PTGER4: variants seen among roughly 807,000 people sequenced by gnomAD.
PTGER4 encodes prostaglandin E2 receptor EP4 subtype.
A neutral mutation model predicts 33.2 loss-of-function variants in PTGER4; 11 were observed. That is an observed-to-expected ratio of 0.33 (90% CI 0.21 to 0.55). The LOEUF is 0.55. Ranked by LOEUF, PTGER4 falls within the 20% of genes least tolerant of loss-of-function variation. PTGER4 has a pLI of 0.92. For missense variants in PTGER4, 481 were observed against 650.2 expected, an observed-to-expected ratio of 0.74 and a Z score of 2.83; for synonymous variants, 275 against 281.5, an observed-to-expected ratio of 0.98 and a Z score of 0.23.
At chr5:40,697,863 C>T (rs1370084840), downstream of PTGER4, among the ~76,000 whole-genome samples, 1 of 151,578 alleles carries the variant, frequency 6.6e-6, no homozygotes, top group Non-Finnish European at 1.5e-5. Flanking sequence ...TACAGCGGCT[C>T]ACACCTGTAA....
the PTGER4 span, chr5:40,746,691 G>C: frequency 2.3e-6 from 2 of 873,812 alleles, no homozygotes. Context: ...ACCTAGAATA[G>C]ATTTTTAAAC....
the PTGER4 span, among the ~76,000 whole-genome samples, chr5:40,719,404 T>C: frequency 4.6e-5 from 7 of 152,360 alleles, no homozygotes; most frequent in East Asian, 1.3e-3. Context: ...TAATGCTGAA[T>C]AATATTTCAT....
At chr5:40,741,657 T>C in the PTGER4 span, among the ~76,000 whole-genome samples, 2 of 152,182 alleles carry the variant, frequency 1.3e-5, no homozygotes, top group Non-Finnish European at 2.9e-5. Context: ...TTTCCTCTTC[T>C]GTGTGCCCAT....
At chr5:40,728,673 A>G in the PTGER4 span, among the ~76,000 whole-genome samples, 1 of 152,186 alleles carries the variant, frequency 6.6e-6, no homozygotes, top group Non-Finnish European at 1.5e-5. Flanking sequence ...ATGAAAATGT[A>G]AACGATTCCC....
chr5:40,686,226 A>T (rs1741320284), intron 2 of PTGER4, among the ~76,000 whole-genome samples: 1 of 152,328 alleles, frequency 6.6e-6, no homozygotes, highest in South Asian at 2.1e-4. Context: ...ACACATTCAA[A>T]TCCAGCTACA....
At chr5:40,704,731 C>T in the PTGER4 span, among the ~76,000 whole-genome samples, 8 of 152,228 alleles carry the variant, frequency 5.3e-5, no homozygotes, top group African/African-American at 1.7e-4. Context: ...TTCACAATAG[C>T]TGCAAAAATA....
chr5:40,723,297 G>A, the PTGER4 span, among the ~76,000 whole-genome samples: 2 of 151,970 alleles, frequency 1.3e-5, no homozygotes, highest in African/African-American at 4.8e-5. Flanking sequence ...CAAACACTGT[G>A]GAAGGCCGCA....
chr5:40,682,161 A>G (rs1283508811), intron 2 of PTGER4, among the ~76,000 whole-genome samples: 1 of 150,816 alleles, frequency 6.6e-6, no homozygotes, highest in Non-Finnish European at 1.5e-5. Flanking sequence ...CGAGTCTTCC[A>G]AGAAAACCCC....
chr5:40,733,598 T>C, the PTGER4 span, among the ~76,000 whole-genome samples: 1 of 152,138 alleles, frequency 6.6e-6, no homozygotes. Flanking sequence ...TATCACCCCA[T>C]AGAAGGCATT....
the PTGER4 span, among the ~76,000 whole-genome samples, chr5:40,702,190 A>C: frequency 2.0e-5 from 3 of 152,216 alleles, no homozygotes; most frequent in African/African-American, 7.2e-5. Context: ...CTAACCTTGA[A>C]TGTAAACAGG....
At chr5:40,744,308 C>G in the PTGER4 span, among the ~76,000 whole-genome samples, 1 of 152,008 alleles carries the variant, frequency 6.6e-6, no homozygotes, top group Non-Finnish European at 1.5e-5. Context: ...CCCTTTATTC[C>G]CAATTTGAGA....
chr5:40,704,172 G>A, the PTGER4 span, among the ~76,000 whole-genome samples: 1 of 152,032 alleles, frequency 6.6e-6, no homozygotes, highest in Admixed American at 6.6e-5. Flanking sequence ...AGGATGCAAG[G>A]TTGGTTCAAC....
At chr5:40,725,278 T>C in the PTGER4 span, among the ~76,000 whole-genome samples, 369 of 151,974 alleles carry the variant, frequency 2.4e-3, no homozygotes, top group African/African-American at 8.6e-3. Context: ...TGAGCCAGGA[T>C]GCCCAGCCCC....
At chr5:40,730,572 T>C in the PTGER4 span, among the ~76,000 whole-genome samples, 3 of 152,254 alleles carry the variant, frequency 2.0e-5, no homozygotes, top group East Asian at 1.9e-4. Flanking sequence ...TGAAACTCCA[T>C]ACCCATTAAA....
At chr5:40,703,426 C>T in the PTGER4 span, among the ~76,000 whole-genome samples, 78 of 152,230 alleles carry the variant, frequency 5.1e-4, no homozygotes, top group Middle Eastern at 3.4e-3. Context: ...CATACACCTT[C>T]CCAAGACTGA....
At chr5:40,714,622 A>G in the PTGER4 span, 1 of 152,160 alleles carries the variant, frequency 6.6e-6, no homozygotes, top group South Asian at 2.1e-4. Context: ...AATAATTAAC[A>G]TATTTTTTGG....
the PTGER4 span, among the ~76,000 whole-genome samples, chr5:40,712,799 G>GT: frequency 6.6e-6 from 1 of 152,088 alleles, no homozygotes; most frequent in Non-Finnish European, 1.5e-5. Flanking sequence ...AAGAAGCACT[G>GT]TGAGAGGAAG....
At chr5:40,741,815 C>G in the PTGER4 span, among the ~76,000 whole-genome samples, 3 of 152,020 alleles carry the variant, frequency 2.0e-5, no homozygotes, top group Non-Finnish European at 4.4e-5. Flanking sequence ...ATGGTAAAAC[C>G]CCATCTCTAC....
chr5:40,713,849 ATGTT>A, the PTGER4 span, among the ~76,000 whole-genome samples: 2 of 123,846 alleles, frequency 1.6e-5, no homozygotes, highest in African/African-American at 5.1e-5. Context: ...AGCTTAGTCT[ATGTT>A]TGTATATCAG....
Sources: allele counts gnomAD v4.1 joint callset (sites outside exome capture counted in the v4.1 genomes callset), GRCh38; gene constraint gnomAD v4.1.1; transcripts MANE v1.5; gene names NCBI Gene and HGNC (gene_info 2026-07-23, HGNC 2026-07-21).